Variants in SGCD observed in about 807,000 individuals in gnomAD.
The protein encoded by SGCD is delta-sarcoglycan.
A neutral mutation model predicts 36.6 loss-of-function variants in SGCD; 18 were observed. The observed-to-expected ratio is 0.49, with a 90% confidence interval of 0.34 to 0.73. The LOEUF (loss-of-function observed/expected upper bound fraction) is 0.73, where lower values mean the gene tolerates loss of function less well. Among genes scored for constraint, SGCD ranks in the 30% least tolerant of loss-of-function variants. The pLI, the probability that SGCD is intolerant of heterozygous loss-of-function variation, is 0.01. For synonymous variants in SGCD, 133 were observed against 130.6 expected, an observed-to-expected ratio of 1.02 and a Z score of -0.12; for missense variants, 387 against 346.7, an observed-to-expected ratio of 1.12 and a Z score of -0.92.
At chr5:156,096,050 G>A (rs992497588) in intron 1 of SGCD, among the ~76,000 whole-genome samples, 11 of 152,198 alleles carry the variant, frequency 7.2e-5, no homozygotes, top group Non-Finnish European at 1.3e-4. Context: ...CAGTGCCATG[G>A]CAGGAAGAGA....
At chr5:156,413,975 A>G (rs1242119889) in intron 3 of SGCD, among the ~76,000 whole-genome samples, 3 of 152,184 alleles carry the variant, frequency 2.0e-5, no homozygotes, top group African/African-American at 7.2e-5. Flanking sequence ...GGTACAGAAG[A>G]GATAAAACTA....
intron 4 of SGCD, among the ~76,000 whole-genome samples, chr5:156,553,568 T>C (rs1042329478): frequency 3.3e-5 from 5 of 152,172 alleles, no homozygotes; most frequent in Non-Finnish European, 7.4e-5. Flanking sequence ...TTCCAGAATA[T>C]TTTCATCATC....
intron 3 of SGCD, among the ~76,000 whole-genome samples, chr5:156,411,909 G>GTTGT (rs371503691): frequency 1.3e-4 from 1 of 7,914 alleles, no homozygotes; most frequent in Admixed American, 1.0e-3. Context: ...GTGAGTTAGG[G>GTTGT]TTTTTGTTAT....
chr5:156,340,216 T>C (rs1768577050), intron 2 of SGCD, among the ~76,000 whole-genome samples: 1 of 152,260 alleles, frequency 6.6e-6, no homozygotes, highest in South Asian at 2.1e-4. Context: ...GCATTTGTTT[T>C]GATGAGGCAT....
At chr5:156,682,800 T>TA (rs33912988) in intron 7 of SGCD, among the ~76,000 whole-genome samples, 120,448 of 152,076 alleles carry the variant, frequency 0.79, 48,380 homozygotes, top group South Asian at 0.89. Context: ...GAACACTTAA[T>TA]AATGACTTTG....
At chr5:155,921,765 G>C (rs1183762228) in intron 1 of SGCD, among the ~76,000 whole-genome samples, 1 of 152,154 alleles carries the variant, frequency 6.6e-6, no homozygotes, top group African/African-American at 2.4e-5. Flanking sequence ...CATAATCACA[G>C]GCAGTGCTGA....
At chr5:156,677,606 G>A (rs565438612) in intron 7 of SGCD, among the ~76,000 whole-genome samples, 1 of 152,154 alleles carries the variant, frequency 6.6e-6, no homozygotes, top group East Asian at 1.9e-4. Flanking sequence ...GTTAATGGGT[G>A]CAGCACACCA....
intron 1 of SGCD, among the ~76,000 whole-genome samples, chr5:155,908,021 G>C (rs1371833924): frequency 6.6e-6 from 1 of 152,112 alleles, no homozygotes; most frequent in African/African-American, 2.4e-5. Context: ...ACTCTGATCA[G>C]TCACCAACCA....
intron 1 of SGCD, among the ~76,000 whole-genome samples, chr5:155,973,539 T>A (rs1758046592): frequency 6.6e-6 from 1 of 152,168 alleles, no homozygotes; most frequent in Non-Finnish European, 1.5e-5. Flanking sequence ...GGGATTGGAA[T>A]GAAAATGATC....
chr5:156,045,287 C>T (rs1027714850), intron 1 of SGCD, among the ~76,000 whole-genome samples: 1 of 152,110 alleles, frequency 6.6e-6, no homozygotes, highest in Non-Finnish European at 1.5e-5. Flanking sequence ...CATACATGCT[C>T]ACATACACAT....
chr5:156,612,884 A>T (rs1198419216), intron 6 of SGCD, among the ~76,000 whole-genome samples: 1 of 151,880 alleles, frequency 6.6e-6, no homozygotes, highest in African/African-American at 2.4e-5. Context: ...GCATGACTCA[A>T]CTCCCCAAAT....
chr5:156,535,292 C>T (rs1758059025), intron 4 of SGCD, among the ~76,000 whole-genome samples: 1 of 152,198 alleles, frequency 6.6e-6, no homozygotes, highest in Admixed American at 6.5e-5. Context: ...CCAGTTGGCA[C>T]AGTTGATTGA....
chr5:156,412,556 G>A (rs1049839806), intron 3 of SGCD, among the ~76,000 whole-genome samples: 1 of 152,148 alleles, frequency 6.6e-6, no homozygotes, highest in Non-Finnish European at 1.5e-5. Context: ...GGAAAAAGGG[G>A]CACAGGAAAA....
chr5:156,452,763 A>G (rs1754077228), intron 3 of SGCD, among the ~76,000 whole-genome samples: 1 of 152,200 alleles, frequency 6.6e-6, no homozygotes, highest in Non-Finnish European at 1.5e-5. Flanking sequence ...GATTCAAATT[A>G]ACCCTGACAT....
chr5:156,374,158 A>T (rs1010180569), intron 3 of SGCD, among the ~76,000 whole-genome samples: 5 of 152,192 alleles, frequency 3.3e-5, no homozygotes, highest in African/African-American at 4.8e-5. Flanking sequence ...ACAAAAAAAA[A>T]AAAAATGCAT....
chr5:156,746,998 A>AAATC (rs1454856215), intron 7 of SGCD, among the ~76,000 whole-genome samples: 5 of 152,168 alleles, frequency 3.3e-5, no homozygotes, highest in Non-Finnish European at 5.9e-5. Flanking sequence ...GATATATACA[A>AAATC]AGTCAATAAC....
the SGCD span, among the ~76,000 whole-genome samples, chr5:155,827,220 C>T: frequency 6.6e-6 from 1 of 152,138 alleles, no homozygotes; most frequent in South Asian, 2.1e-4. Context: ...GTGCTAGTAA[C>T]AAAAGCCAGA....
In SGCD at chr5:156,611,519, T is replaced by G. The variant is rs113355019; in HGVS notation, c.502+16468T>G. 2.7e-3 allele frequency among the ~76,000 whole-genome samples: 415 copies of G among 152,340 alleles called. 3 individuals are homozygous for G. The highest frequency in any genetic ancestry group is 9.6e-3 in the African/African-American group (399 of 41,564). ...TTCTTATTTATGACTTGACACATTT[T>G]TCTTAAAGCTTTTAGAATTCTTTCT... On this transcript the variant is annotated intron_variant, in intron 6 of 8. Coordinates refer to ENST00000337851, the MANE Select transcript of SGCD (RefSeq NM_000337.6).
At position 156,211,952 on chromosome 5, in the gene SGCD, A is replaced by C. The variant is rs182590343; in HGVS notation, c.-44+87933A>C. Among the ~76,000 whole-genome samples, 84 of 152,338 alleles carry C rather than the reference A, an allele frequency of 5.5e-4. 1 individual carries two copies. Among genetic ancestry groups the C allele is most frequent in the Non-Finnish European group, 9.3e-4 (63 of 68,030 alleles). On this transcript the variant is annotated intron_variant, in intron 3 of 9. Transcript: ENST00000517913. ...TTATCAGCTTAAAATAGCCTGTTATAATTTTAAGATGTTTTATGTAAGCAT... is the reference window on the plus strand; with the variant it reads ...TTATCAGCTTAAAATAGCCTGTTATCATTTTAAGATGTTTTATGTAAGCAT...
Sources: allele counts gnomAD v4.1 joint callset (sites outside exome capture counted in the v4.1 genomes callset), GRCh38; gene constraint gnomAD v4.1.1; transcripts MANE v1.5; gene names NCBI Gene and HGNC (gene_info 2026-07-23, HGNC 2026-07-21).